The following GCGR variants were observed in gnomAD, a reference collection of about 807,000 sequenced individuals.
The protein encoded by GCGR is glucagon receptor.
GCGR carries 41 observed loss-of-function variants against 56.1 expected under a neutral mutation model. That is an observed-to-expected ratio of 0.73 (90% CI 0.57 to 0.95). GCGR has a LOEUF of 0.95. Among genes scored for constraint, GCGR ranks in the 40% least tolerant of loss-of-function variants. GCGR has a pLI of 0.00. For synonymous variants in GCGR, 278 were observed against 271.1 expected (o/e 1.03, Z -0.25); for missense variants, 595 against 638.2 (o/e 0.93, Z 0.73).
In GCGR at chr17:81,811,370, G is replaced by A; in HGVS notation, c.501-34G>A. On this transcript the variant is annotated intron_variant, in intron 6 of 13. Coordinates refer to ENST00000400723, the MANE Select transcript of GCGR (RefSeq NM_000160.5). This position sits in a 1 kb window ranked among gnomAD's most constrained non-coding sequence, Gnocchi z 5.8. The stretch of plus-strand genomic sequence containing the variant: ...GCCCGGGGCGGCCGCAGAGGACAGG[G>A]AGGAGGACGGGCGCTGACTGGCTGT... The A allele has an allele frequency of 2.6e-6, 4 of 1,534,522 alleles. No individual in the cohort carries two copies. The highest frequency in any genetic ancestry group is 3.5e-6 in the Non-Finnish European group (4 of 1,145,254).
At chr17:81,809,151 C>CCTGT (rs2038022621) in intron 2 of GCGR, 73 bp downstream of exon 2, 1 of 972,564 alleles carries the variant, frequency 1.0e-6, no homozygotes, top group Non-Finnish European at 1.4e-6. Context: ...TCTCTGTCTG[C>CCTGT]CTGCCTGCCT....
In GCGR at chr17:81,812,169, G is replaced by A. The variant is rs971216205; in HGVS notation, c.879-14G>A. 2.6e-6 allele frequency: 4 copies of A among 1,535,986 alleles called. No homozygotes were observed. In the African/African-American group the frequency reaches 5.5e-5, roughly 21 times the overall value. On this transcript the variant is annotated splice_polypyrimidine_tract_variant and intron_variant, in intron 9 of 13. Coordinates refer to ENST00000400723, the MANE Select transcript of GCGR (RefSeq NM_000160.5). The surrounding 1 kb of genome is among the most constrained non-coding windows in gnomAD (Gnocchi z 8.5). ...GGGGCTGTGCCCCAGTATGTGAGTG[G>A]CCTGGCCTCGCAGGTGCTGGACCAG...
chr17:81,812,654 C>G lies in GCGR; in HGVS notation c.1026C>G (p.Asp342Glu). The change falls in exon 11 of 14, where the codon GAC becomes GAG. Residue 342 changes from aspartate to glutamate, a missense_variant. Coordinates refer to ENST00000400723, the MANE Select transcript of GCGR (RefSeq NM_000160.5). This position sits in a 1 kb window ranked among gnomAD's most constrained non-coding sequence, Gnocchi z 8.5. ...KLRARQMHHT[D>E]YKFRLAKSTL... ...GGGCACGGCAGATGCACCACACAGA[C>G]TACAAGTTCCGGTGGGTGCCGCGGC... 6.5e-7 allele frequency: 1 copy of G among 1,535,934 alleles called. No individual in the cohort carries two copies. Among genetic ancestry groups the G allele is most frequent in the African/African-American group, 1.4e-5 (1 of 73,160 alleles).
chr17:81,809,914 T>C, intron 3 of GCGR, 30 bp downstream of exon 3: 1 of 1,470,122 alleles, frequency 6.8e-7, no homozygotes, highest in Non-Finnish European at 9.2e-7. Flanking sequence ...CCTTTCAGCC[T>C]GTGCCTGGCC....
chr17:81,808,591 C>T lies in GCGR; in HGVS notation c.-177-251C>T, dbSNP rs183849891. ...CTGGACTGCAATGGCTTGATCTCCG[C>T]TCACTGCAAGCTCTGCCTCCCGGGT... On this transcript the variant is annotated intron_variant, in intron 1 of 13. Transcript: ENST00000400723. Among the ~76,000 whole-genome samples the T allele has an allele frequency of 1.8e-3, 266 of 151,432 alleles. 1 individual carries two copies. Among genetic ancestry groups the T allele is most frequent in the Non-Finnish European group, 3.1e-3 (210 of 67,866 alleles).
At position 81,813,814 on chromosome 17, in the gene GCGR, C is replaced by G. The variant is rs1035383658; in HGVS notation, c.*125C>G. On this transcript the variant is annotated 3_prime_UTR_variant, in exon 14 of 14. Transcript: ENST00000400723. The surrounding 1 kb of genome is among the most constrained non-coding windows in gnomAD (Gnocchi z 5.3). ...CCAACAGCAGCCCCCACCTACCCCCCACCCCCAGTGTGGCTGTCTGCGAGA... is the reference window on the plus strand; with the variant it reads ...CCAACAGCAGCCCCCACCTACCCCCGACCCCCAGTGTGGCTGTCTGCGAGA... 2.3e-6 allele frequency: 2 copies of G among 861,348 alleles called. No individual in the cohort carries two copies. Among genetic ancestry groups the G allele is most frequent in the Admixed American group, 5.3e-5 (2 of 38,082 alleles). 53.4% of individuals were successfully genotyped at this position (861,348 alleles called of 1,614,324 possible).
rs1311039987 is a variant in GCGR, at chr17:81,811,595, G to A, written c.657+35G>A. 6 of 1,536,102 alleles carry A rather than the reference G, an allele frequency of 3.9e-6. No individual in the cohort carries two copies. The highest frequency in any genetic ancestry group is 5.2e-6 in the Non-Finnish European group (6 of 1,146,792). On this transcript the variant is annotated intron_variant, in intron 7 of 13. Coordinates refer to ENST00000400723, the MANE Select transcript of GCGR (RefSeq NM_000160.5). The surrounding 1 kb of genome is among the most constrained non-coding windows in gnomAD (Gnocchi z 5.8). ...CCTCGGCGGCCCCAGGCAGGTGGGT[G>A]GGTGGGCAGCCAGGCAGGTGGCCAC... is the stretch of plus-strand genomic sequence containing the variant.
At position 81,812,960 on chromosome 17, in the gene GCGR, G is replaced by A. The variant is rs373153150; in HGVS notation, c.1176+15G>A. The A allele has an allele frequency of 2.5e-4, 381 of 1,535,702 alleles. No individual in the cohort carries two copies. In the African/African-American group the frequency reaches 4.4e-3, roughly 18 times the overall value. The stretch of plus-strand genomic sequence containing the variant: ...GCTCCTTCCAGGTGCCCGCCCGCCC[G>A]CCGGCTCCCCCGCCCGGGGCGCAGT... On this transcript the variant is annotated intron_variant, in intron 12 of 13. Coordinates refer to ENST00000400723, the MANE Select transcript of GCGR (RefSeq NM_000160.5). The surrounding 1 kb of genome is among the most constrained non-coding windows in gnomAD (Gnocchi z 8.5).
intron 2 of GCGR, 86 bp downstream of exon 2, chr17:81,809,164 C>T (rs2038023186): frequency 1.7e-5 from 24 of 1,437,494 alleles, no homozygotes; most frequent in Non-Finnish European, 2.2e-5. Context: ...GCCTGCCTGC[C>T]TGCCTGTCTG....
intron 1 of GCGR, among the ~76,000 whole-genome samples, chr17:81,805,904 C>T (rs894944608): frequency 3.3e-5 from 5 of 152,086 alleles, no homozygotes; most frequent in Non-Finnish European, 5.9e-5. Flanking sequence ...CTGTCCACTC[C>T]TTCAGTCAAC....
At chr17:81,807,997 A>G (rs926179835) in intron 1 of GCGR, among the ~76,000 whole-genome samples, 7 of 152,112 alleles carry the variant, frequency 4.6e-5, no homozygotes, top group African/African-American at 1.7e-4. Flanking sequence ...GCTAACCTCA[A>G]AGGACTGTGC....
rs1260308211 is a variant in GCGR, at chr17:81,806,818, AG to A, written c.-177-2021del. ...CACCCCCACTTCGAGGCGCCCAGGC[AG>A]GGAACAGCTCATTGGCCAGTGTCCT... On this transcript the variant is annotated intron_variant, in intron 1 of 13. Coordinates refer to ENST00000400723, the MANE Select transcript of GCGR (RefSeq NM_000160.5). This position sits in a 1 kb window ranked among gnomAD's most constrained non-coding sequence, Gnocchi z 6.5. Among the ~76,000 whole-genome samples the A allele has an allele frequency of 1.4e-5, 2 of 143,248 alleles. No homozygotes were observed. Among genetic ancestry groups the A allele is most frequent in the African/African-American group, 5.2e-5 (2 of 38,700 alleles). The allele number at this position is 143,248 out of a possible 152,430, so 94.0% of individuals were successfully genotyped here.
chr17:81,813,717 G>A lies in GCGR; in HGVS notation c.*28G>A. ...CCTGCTGGGACCCCAGCTAGGGCTG[G>A]ACTCTGGCACCCAGAGGGCGTCGCT... On this transcript the variant is annotated 3_prime_UTR_variant, in exon 14 of 14. Coordinates refer to ENST00000400723, the MANE Select transcript of GCGR (RefSeq NM_000160.5). This position sits in a 1 kb window ranked among gnomAD's most constrained non-coding sequence, Gnocchi z 5.3. 1.3e-6 allele frequency: 2 copies of A among 1,527,858 alleles called. No homozygotes were observed. Among genetic ancestry groups the A allele is most frequent in the Non-Finnish European group, 1.8e-6 (2 of 1,141,440 alleles). 94.6% of individuals were successfully genotyped at this position (1,527,858 alleles called of 1,614,324 possible). A position where few individuals can be genotyped will look rare whatever the true frequency, so the allele number is the denominator to read the frequency against.
intron 2 of GCGR, 141 bp downstream of exon 2, chr17:81,809,219 T>C (rs1014836369): frequency 2.2e-4 from 225 of 1,001,998 alleles, no homozygotes; most frequent in Non-Finnish European, 3.1e-4. Flanking sequence ...CATCTGCCTG[T>C]CTGTCTGCCT....
rs568968493 is a variant in GCGR, at chr17:81,807,612, C to T, written c.-177-1230C>T. On this transcript the variant is annotated intron_variant, in intron 1 of 13. Coordinates refer to ENST00000400723, the MANE Select transcript of GCGR (RefSeq NM_000160.5). ...GCTTCCCCCTGGCACTGCCTTCCAG[C>T]TGGCTGGCCCTCCATCTGCCCAGCC... Among the ~76,000 whole-genome samples the T allele has an allele frequency of 1.8e-4, 27 of 152,382 alleles. No homozygotes were observed. In the East Asian group the frequency reaches 5.2e-3, roughly 29 times the overall value.
At chr17:81,805,694 C>G (rs994381375) in intron 1 of GCGR, among the ~76,000 whole-genome samples, 2 of 151,346 alleles carry the variant, frequency 1.3e-5, no homozygotes, top group Non-Finnish European at 3.0e-5. Context: ...GGAACCCCCC[C>G]TATTGGGCAC....
Position 81,812,100 on chromosome 17 carries a change from T to C in GCGR, c.879-83T>C. 2.7e-6 allele frequency: 4 copies of C among 1,501,890 alleles called. No individual in the cohort carries two copies. The highest frequency in any genetic ancestry group is 3.6e-6 in the Non-Finnish European group (4 of 1,119,770). 93.0% of individuals were successfully genotyped at this position (1,501,890 alleles called of 1,614,324 possible). Reference sequence around the variant, plus strand: ...TTCCTTTTCTGAGACCCGAATTAGATCCTGGCAAAATCGGGACGGGGGTGC... The same window carrying C: ...TTCCTTTTCTGAGACCCGAATTAGACCCTGGCAAAATCGGGACGGGGGTGC... On this transcript the variant is annotated intron_variant, in intron 9 of 13. Transcript: ENST00000400723. The surrounding 1 kb of genome is among the most constrained non-coding windows in gnomAD (Gnocchi z 8.5).
In GCGR at chr17:81,813,375, G is replaced by C. The variant is rs1204006320; in HGVS notation, c.1219-99G>C. 8.6e-7 allele frequency: 1 copy of C among 1,166,332 alleles called. No individual in the cohort carries two copies. Among genetic ancestry groups the C allele is most frequent in the South Asian group, 1.4e-5 (1 of 69,970 alleles). 72.2% of individuals were successfully genotyped at this position (1,166,332 alleles called of 1,614,324 possible). ...CTTGTGTCGCTCTGCACCCCTCAGA[G>C]CGGAGACTGGGCATCTCCGATGAGG... On this transcript the variant is annotated intron_variant, in intron 13 of 13. Transcript: ENST00000400723. The surrounding 1 kb of genome is among the most constrained non-coding windows in gnomAD (Gnocchi z 5.3).
chr17:81,812,962 C>T lies in GCGR; in HGVS notation c.1176+17C>T, dbSNP rs369334314. On this transcript the variant is annotated intron_variant, in intron 12 of 13. Coordinates refer to ENST00000400723, the MANE Select transcript of GCGR (RefSeq NM_000160.5). This position sits in a 1 kb window ranked among gnomAD's most constrained non-coding sequence, Gnocchi z 8.5. ...TCCTTCCAGGTGCCCGCCCGCCCGC[C>T]GGCTCCCCCGCCCGGGGCGCAGTGT... The T allele has an allele frequency of 2.5e-4, 384 of 1,535,822 alleles. 2 individuals are homozygous for T. In the African/African-American group the frequency reaches 4.6e-3, roughly 19 times the overall value.
Sources: allele counts gnomAD v4.1 joint callset (sites outside exome capture counted in the v4.1 genomes callset), GRCh38; gene constraint gnomAD v4.1.1; non-coding constraint Gnocchi (gnomAD v3.1); transcripts MANE v1.5; gene names NCBI Gene and HGNC (gene_info 2026-07-23, HGNC 2026-07-21).